Variants in SNTB1 observed in about 807,000 individuals in gnomAD.
SNTB1 encodes the protein syntrophin beta 1, also known as beta-1-syntrophin.
SNTB1 carries 36 observed loss-of-function variants against 48.9 expected under a neutral mutation model. The observed-to-expected ratio is 0.74, with a 90% confidence interval of 0.56 to 0.97. SNTB1 has a LOEUF of 0.97. Among genes scored for constraint, SNTB1 ranks in the 50% least tolerant of loss-of-function variants. The pLI, the probability that SNTB1 is intolerant of heterozygous loss-of-function variation, is 0.00. For synonymous variants in SNTB1, 299 were observed against 294.6 expected (o/e 1.01, Z -0.15); for missense variants, 786 against 703.4 (o/e 1.12, Z -1.33).
chr8:120,756,505 T>C (rs1039500078), intron 1 of SNTB1, among the ~76,000 whole-genome samples: 2 of 151,940 alleles, frequency 1.3e-5, no homozygotes, highest in Non-Finnish European at 2.9e-5. Flanking sequence ...TCTGGATGGG[T>C]AGAAGGTGAG....
chr8:120,795,393 C>G (rs988354734), intron 1 of SNTB1, among the ~76,000 whole-genome samples: 3 of 152,132 alleles, frequency 2.0e-5, no homozygotes, highest in Admixed American at 2.0e-4. Flanking sequence ...TTAATAAACA[C>G]AAATTAATCT....
chr8:120,592,051 C>T (rs1816247253), intron 3 of SNTB1, among the ~76,000 whole-genome samples: 1 of 152,094 alleles, frequency 6.6e-6, no homozygotes, highest in African/African-American at 2.4e-5. Flanking sequence ...CAGTTGATCC[C>T]ATTCATGAAG....
intron 2 of SNTB1, among the ~76,000 whole-genome samples, chr8:120,669,295 A>C (rs1401484960): frequency 6.6e-6 from 1 of 152,224 alleles, no homozygotes; most frequent in African/African-American, 2.4e-5. Context: ...CACTAGCACC[A>C]TCCCCTCCTT....
intron 1 of SNTB1, among the ~76,000 whole-genome samples, chr8:120,710,391 T>C (rs984372857): frequency 6.6e-6 from 1 of 152,180 alleles, no homozygotes; most frequent in African/African-American, 2.4e-5. Context: ...GCTGCACAAA[T>C]GGCTATGAGG....
At chr8:120,586,472 T>C (rs1816142489) in intron 3 of SNTB1, among the ~76,000 whole-genome samples, 1 of 152,186 alleles carries the variant, frequency 6.6e-6, no homozygotes, top group African/African-American at 2.4e-5. Context: ...CCTTGGCTCT[T>C]GGCTCTGCAT....
At chr8:120,561,143 C>T (rs992081289) in intron 4 of SNTB1, among the ~76,000 whole-genome samples, 1 of 151,762 alleles carries the variant, frequency 6.6e-6, no homozygotes, top group Non-Finnish European at 1.5e-5. Flanking sequence ...GCCTGACCAA[C>T]ATGGTGAAAC....
chr8:120,667,154 TGGGACCATCATAGTTCACTGCAGC>T (rs67480487), intron 2 of SNTB1, among the ~76,000 whole-genome samples: 82,984 of 150,156 alleles, frequency 0.55, 23,288 homozygotes, highest in East Asian at 0.7. Context: ...TTTGCTGCAG[TGGGACCATCATAGTTCACTGCAGC>T]GGCACCATCA....
chr8:120,587,944 T>G (rs972417803), intron 3 of SNTB1, among the ~76,000 whole-genome samples: 1 of 152,228 alleles, frequency 6.6e-6, no homozygotes, highest in African/African-American at 2.4e-5. Context: ...CAGACTTTAC[T>G]TCCTTAACTT....
At chr8:120,639,546 A>G (rs1023415056) in intron 2 of SNTB1, among the ~76,000 whole-genome samples, 13 of 152,088 alleles carry the variant, frequency 8.5e-5, no homozygotes, top group Non-Finnish European at 1.3e-4. Flanking sequence ...ATATTGAATT[A>G]ATTTTTGTAT....
At chr8:120,779,004 A>T (rs550194500) in intron 1 of SNTB1, among the ~76,000 whole-genome samples, 6 of 152,254 alleles carry the variant, frequency 3.9e-5, no homozygotes, top group Non-Finnish European at 8.8e-5. Context: ...TCATTTATTT[A>T]TCAGGCCTCT....
intron 1 of SNTB1, among the ~76,000 whole-genome samples, chr8:120,810,256 T>G (rs1820402410): frequency 6.6e-6 from 1 of 152,118 alleles, no homozygotes; most frequent in Non-Finnish European, 1.5e-5. Context: ...GACAGAGGTA[T>G]GTACACAGCA....
At chr8:120,576,617 A>C (rs1006710828) in intron 3 of SNTB1, among the ~76,000 whole-genome samples, 4 of 152,198 alleles carry the variant, frequency 2.6e-5, no homozygotes, top group African/African-American at 9.7e-5. Context: ...CCTTACTGAT[A>C]AGGATAATAT....
At chr8:120,542,021 A>C in intron 5 of SNTB1, 21 bp from the exon 6 acceptor site, 1 of 1,604,402 alleles carries the variant, frequency 6.2e-7, no homozygotes, top group Non-Finnish European at 8.5e-7. Flanking sequence ...AAGAGAGAGA[A>C]AAAGAGACAA....
intron 3 of SNTB1, among the ~76,000 whole-genome samples, chr8:120,622,222 G>C (rs550267711): frequency 6.6e-6 from 1 of 152,116 alleles, no homozygotes; most frequent in African/African-American, 2.4e-5. Flanking sequence ...CTCCAGCTCC[G>C]TAAAGATCTC....
At chr8:120,594,998 C>T (rs943228896) in intron 3 of SNTB1, among the ~76,000 whole-genome samples, 1 of 151,352 alleles carries the variant, frequency 6.6e-6, no homozygotes, top group African/African-American at 2.4e-5. Context: ...CACGCATTCA[C>T]AAAAAAAAGT....
intron 2 of SNTB1, among the ~76,000 whole-genome samples, chr8:120,642,138 T>C (rs543801670): frequency 1.8e-4 from 28 of 152,248 alleles, no homozygotes; most frequent in Admixed American, 1.8e-3. Flanking sequence ...ATAGGTTCAT[T>C]TAAAAAAAGG....
chr8:120,596,849 G>T (rs1816334811), intron 3 of SNTB1, among the ~76,000 whole-genome samples: 1 of 152,140 alleles, frequency 6.6e-6, no homozygotes, highest in Non-Finnish European at 1.5e-5. Context: ...GGCACATCTG[G>T]ATAATCCAGA....
chr8:120,673,384 G>T (rs1035768192), intron 2 of SNTB1, among the ~76,000 whole-genome samples: 2 of 151,146 alleles, frequency 1.3e-5, no homozygotes, highest in Non-Finnish European at 2.9e-5. Context: ...TCCGTCTCCT[G>T]GGTTCAAGCG....
chr8:120,796,071 G>A (rs1378471119), intron 1 of SNTB1, among the ~76,000 whole-genome samples: 1 of 151,952 alleles, frequency 6.6e-6, no homozygotes, highest in African/African-American at 2.4e-5. Flanking sequence ...GATAATGGGG[G>A]TAGATTTCCC....
Sources: gnomAD v4.1 joint callset for allele counts (sites outside exome capture counted in the v4.1 genomes callset) on GRCh38, gnomAD v4.1.1 for gene constraint, MANE v1.5 for transcripts, NCBI Gene and HGNC (gene_info 2026-07-23, HGNC 2026-07-21) for gene names.